The following FGD4 variants were observed in gnomAD, a reference collection of about 807,000 sequenced individuals.
FGD4 encodes the protein FYVE, RhoGEF and PH domain containing 4.
In FGD4, 42 loss-of-function variants were observed where a neutral mutation model predicts 102.0. That is an observed-to-expected ratio of 0.41 (90% CI 0.32 to 0.53). The LOEUF (loss-of-function observed/expected upper bound fraction) is 0.53. Among genes scored for constraint, FGD4 ranks in the 20% least tolerant of loss-of-function variants. FGD4 has a pLI of 0.21. For synonymous variants in FGD4, 380 were observed against 375.7 expected (o/e 1.01, Z -0.13); for missense variants, 902 against 1,078.2 (o/e 0.84, Z 2.29).
chr12:32,641,526 C>T lies in FGD4; in HGVS notation c.*993C>T, dbSNP rs1951155526. 6.6e-6 allele frequency: 1 copy of T among 152,148 alleles called. No individual in the cohort carries two copies. Among genetic ancestry groups the T allele is most frequent in the African/African-American group, 2.4e-5 (1 of 41,440 alleles). The allele number at this position is 152,148 out of a possible 1,614,324, so 9.4% of individuals were successfully genotyped here. A position where few individuals can be genotyped will look rare whatever the true frequency, so the allele number is the denominator to read the frequency against. ...GGTCACTGGGACAGTCAAAGTCATA[C>T]AGGTTATTTTACCGTTTACAATCCT... On this transcript the variant is annotated 3_prime_UTR_variant, in exon 17 of 17. Transcript: ENST00000534526.
chr12:32,589,202 T>G (rs1947279739), intron 4 of FGD4, among the ~76,000 whole-genome samples: 3 of 152,264 alleles, frequency 2.0e-5, no homozygotes, highest in South Asian at 4.1e-4. Flanking sequence ...AACATCCTGT[T>G]TCCTCACTTG....
At chr12:32,576,158 T>G in intron 2 of FGD4, 108 bp from the exon 3 acceptor site, 1 of 1,173,212 alleles carries the variant, frequency 8.5e-7, no homozygotes, top group East Asian at 2.6e-5. Flanking sequence ...CCTGCCCCCT[T>G]TACAATAATT....
chr12:32,459,952 C>A (rs1389504987), intron 1 of FGD4, among the ~76,000 whole-genome samples: 1 of 151,964 alleles, frequency 6.6e-6, no homozygotes, highest in Non-Finnish European at 1.5e-5. Context: ...GTGATCCCCC[C>A]ACCTCAGCCT....
chr12:32,577,538 T>G (rs1170730720), intron 3 of FGD4, among the ~76,000 whole-genome samples: 1 of 152,212 alleles, frequency 6.6e-6, no homozygotes, highest in African/African-American at 2.4e-5. Context: ...CTCCTATCAA[T>G]TTCCTGTGAC....
chr12:32,476,287 T>C (rs1045113739), intron 1 of FGD4, among the ~76,000 whole-genome samples: 11 of 152,238 alleles, frequency 7.2e-5, no homozygotes, highest in African/African-American at 2.2e-4. Flanking sequence ...TTTGGTTATC[T>C]ATTGTTGCAT....
Position 32,480,689 on chromosome 12 carries a change from C to T in FGD4, c.166+80730C>T, listed in dbSNP as rs531674940. Among the ~76,000 whole-genome samples the T allele has an allele frequency of 6.9e-4, 104 of 151,608 alleles. 1 individual carries two copies. Among genetic ancestry groups the T allele is most frequent in the African/African-American group, 1.6e-3 (68 of 41,352 alleles). On this transcript the variant is annotated intron_variant, in intron 1 of 16. Transcript: ENST00000534526. ...CTAATTTTTGTATTTTTAGTAGAGA[C>T]GGGGTTTCACCATGTTGGCCAGGAT...
At chr12:32,550,665 T>C (rs567711625) in intron 1 of FGD4, among the ~76,000 whole-genome samples, 1,997 of 95,160 alleles carry the variant, frequency 0.021, 60 homozygotes, top group African/African-American at 0.093. Context: ...AGCAAGACAC[T>C]GTCTCAAAAA....
intron 14 of FGD4, among the ~76,000 whole-genome samples, chr12:32,629,584 T>A (rs1950377025): frequency 1.3e-5 from 2 of 152,228 alleles, no homozygotes; most frequent in Admixed American, 6.5e-5. Context: ...AATTCAGATA[T>A]ATATAACATC....
At chr12:32,546,559 G>A (rs1481607773) in intron 1 of FGD4, among the ~76,000 whole-genome samples, 2 of 152,240 alleles carry the variant, frequency 1.3e-5, no homozygotes, top group Non-Finnish European at 2.9e-5. Flanking sequence ...GTGAAATGAG[G>A]TGTGCTGTCT....
intron 1 of FGD4, among the ~76,000 whole-genome samples, chr12:32,540,801 G>A (rs2136127167): frequency 6.6e-6 from 1 of 152,174 alleles, no homozygotes; most frequent in Admixed American, 6.5e-5. Flanking sequence ...CTGACTTCAG[G>A]TGATTCGCCC....
chr12:32,635,905 G>A (rs1270194249), intron 15 of FGD4, among the ~76,000 whole-genome samples: 4 of 151,928 alleles, frequency 2.6e-5, no homozygotes, highest in African/African-American at 7.2e-5. Context: ...CCAGCTACTC[G>A]GGAGGCTGAG....
intron 3 of FGD4, among the ~76,000 whole-genome samples, chr12:32,578,450 C>A (rs538780844): frequency 3.9e-5 from 6 of 152,232 alleles, no homozygotes; most frequent in Admixed American, 3.9e-4. Context: ...TAGAGGGAGG[C>A]TCTGAGTTGT....
chr12:32,515,070 C>T (rs779186788), intron 1 of FGD4, among the ~76,000 whole-genome samples: 5 of 152,214 alleles, frequency 3.3e-5, no homozygotes, highest in Middle Eastern at 3.4e-3. Context: ...AGCACAGAAC[C>T]CATACTAACA....
At position 32,605,128 on chromosome 12, in the gene FGD4, G is replaced by A. The variant is rs537201383; in HGVS notation, c.1404+2811G>A. Among the ~76,000 whole-genome samples the A allele has an allele frequency of 2.3e-3, 348 of 151,544 alleles. 2 individuals are homozygous for A. The highest frequency in any genetic ancestry group is 7.9e-3 in the African/African-American group (327 of 41,180). ...TAATTTTTGTACTTTTAGTAGAGACGGGGTTTCGCCATGTTGGCCAGGCTG... is the reference window on the plus strand; with the variant it reads ...TAATTTTTGTACTTTTAGTAGAGACAGGGTTTCGCCATGTTGGCCAGGCTG... On this transcript the variant is annotated intron_variant, in intron 7 of 16. Transcript: ENST00000534526.
At chr12:32,454,901 TAA>T (rs545222414) in intron 1 of FGD4, among the ~76,000 whole-genome samples, 12 of 152,200 alleles carry the variant, frequency 7.9e-5, no homozygotes, top group Non-Finnish European at 1.6e-4. Context: ...GACAGAATTT[TAA>T]AGTGTTTTTT....
chr12:32,512,137 T>C (rs1042364087), intron 1 of FGD4, among the ~76,000 whole-genome samples: 1 of 152,102 alleles, frequency 6.6e-6, no homozygotes, highest in Non-Finnish European at 1.5e-5. Flanking sequence ...AGTTGTGGCT[T>C]GAGGGCTCGA....
intron 1 of FGD4, among the ~76,000 whole-genome samples, chr12:32,457,011 G>A (rs1942965428): frequency 6.6e-6 from 1 of 152,204 alleles, no homozygotes; most frequent in African/African-American, 2.4e-5. Context: ...GAAAATGCGA[G>A]AACAGGAACT....
chr12:32,517,696 C>G (rs1404011546), intron 1 of FGD4, among the ~76,000 whole-genome samples: 2 of 152,024 alleles, frequency 1.3e-5, no homozygotes, highest in Non-Finnish European at 2.9e-5. Context: ...AGTTTGAGAC[C>G]AGTCTGGGCA....
intron 1 of FGD4, among the ~76,000 whole-genome samples, chr12:32,491,062 C>T (rs528587618): frequency 6.8e-6 from 1 of 147,046 alleles, no homozygotes; most frequent in Non-Finnish European, 1.5e-5. Flanking sequence ...TTGTTTTACT[C>T]ACTCTTTTCA....
Sources: gnomAD v4.1 joint callset for allele counts (sites outside exome capture counted in the v4.1 genomes callset) on GRCh38, gnomAD v4.1.1 for gene constraint, MANE v1.5 for transcripts, NCBI Gene and HGNC (gene_info 2026-07-23, HGNC 2026-07-21) for gene names.